Variants in PRKCH observed in about 807,000 individuals in gnomAD.
The protein encoded by PRKCH is protein kinase C eta type.
PRKCH carries 28 observed loss-of-function variants against 82.5 expected under a neutral mutation model. That is an observed-to-expected ratio of 0.34 (90% CI 0.25 to 0.47). PRKCH has a LOEUF of 0.47. Ranked by LOEUF, PRKCH falls within the 20% of genes least tolerant of loss-of-function variation. The pLI, the probability that PRKCH is intolerant of heterozygous loss-of-function variation, is 1.00. For missense variants in PRKCH, 705 were observed against 881.8 expected, an observed-to-expected ratio of 0.80 and a Z score of 2.54; for synonymous variants, 322 against 327.4, an observed-to-expected ratio of 0.98 and a Z score of 0.18.
intron 6 of PRKCH, among the ~76,000 whole-genome samples, chr14:61,452,563 C>G (rs1884561819): frequency 6.6e-6 from 1 of 152,176 alleles, no homozygotes. Context: ...CTTTGCTCGC[C>G]TCTTCAACTG....
chr14:61,379,471 T>G (rs2046469061), intron 1 of PRKCH, among the ~76,000 whole-genome samples: 1 of 152,258 alleles, frequency 6.6e-6, no homozygotes, highest in Admixed American at 6.5e-5. Context: ...CTTGAAATGC[T>G]TATGTATGCT....
intron 1 of PRKCH, among the ~76,000 whole-genome samples, chr14:61,274,121 A>G (rs2045182060): frequency 6.6e-6 from 1 of 152,256 alleles, no homozygotes; most frequent in Admixed American, 6.5e-5. Flanking sequence ...GGAGAGGCAA[A>G]GAAGACTTGC....
In PRKCH at chr14:61,387,901, A is replaced by G. The variant is rs1221956048; in HGVS notation, c.364-3324A>G. Among the ~76,000 whole-genome samples the G allele has an allele frequency of 2.6e-5, 4 of 152,144 alleles. No individual in the cohort carries two copies. The East Asian group carries it at 7.7e-4, about 29-fold the overall frequency. The stretch of plus-strand genomic sequence containing the variant: ...GGTGGCTCATGCCTGTAATTCCAGC[A>G]CTTTGGGAGGCTGAGGTGGACAGAT... On this transcript the variant is annotated intron_variant, in intron 1 of 13. Transcript: ENST00000332981.
upstream of PRKCH, among the ~76,000 whole-genome samples, chr14:61,316,686 C>T (rs928338131): frequency 2.3e-4 from 35 of 152,292 alleles, no homozygotes; most frequent in African/African-American, 7.7e-4. Context: ...TTCCTTCTTA[C>T]GGAGACCTTG....
chr14:61,347,462 T>C (rs1005588465), intron 1 of PRKCH, among the ~76,000 whole-genome samples: 5 of 152,186 alleles, frequency 3.3e-5, no homozygotes, highest in African/African-American at 4.8e-5. Context: ...TCAGTTGGAG[T>C]AACTCCTGCC....
chr14:61,505,243 G>C (rs1887084115), intron 10 of PRKCH, among the ~76,000 whole-genome samples: 1 of 152,070 alleles, frequency 6.6e-6, no homozygotes, highest in Non-Finnish European at 1.5e-5. Flanking sequence ...TGCTCTAAAG[G>C]CTGGAAAGTG....
At chr14:61,485,968 A>G (rs1481114109) in intron 10 of PRKCH, among the ~76,000 whole-genome samples, 8 of 152,112 alleles carry the variant, frequency 5.3e-5, no homozygotes, top group South Asian at 2.1e-4. Context: ...GGGTCTTGCA[A>G]TGTTGCCCAG....
At chr14:61,533,854 G>T (rs1234273107) in intron 12 of PRKCH, among the ~76,000 whole-genome samples, 1 of 152,192 alleles carries the variant, frequency 6.6e-6, no homozygotes, top group Non-Finnish European at 1.5e-5. Flanking sequence ...CCTTATCTCT[G>T]AAAAAGTATT....
chr14:61,441,539 C>T (rs1883973295), intron 2 of PRKCH, among the ~76,000 whole-genome samples: 1 of 152,252 alleles, frequency 6.6e-6, no homozygotes, highest in East Asian at 1.9e-4. Flanking sequence ...CATTGGACAT[C>T]TTGGCATGGT....
At chr14:61,424,889 C>T (rs1308047321) in intron 2 of PRKCH, among the ~76,000 whole-genome samples, 1 of 152,246 alleles carries the variant, frequency 6.6e-6, no homozygotes, top group African/African-American at 2.4e-5. Flanking sequence ...GCTTCCCAGC[C>T]ACTCCAGTCA....
intron 9 of PRKCH, among the ~76,000 whole-genome samples, chr14:61,470,913 C>T (rs914349765): frequency 5.9e-5 from 9 of 152,132 alleles, no homozygotes; most frequent in African/African-American, 2.2e-4. Flanking sequence ...TGTCAGTCAG[C>T]TTCCTTGTTC....
At chr14:61,380,033 T>G (rs1434960579) in intron 1 of PRKCH, among the ~76,000 whole-genome samples, 1 of 151,972 alleles carries the variant, frequency 6.6e-6, no homozygotes, top group Admixed American at 6.6e-5. Context: ...AGAAGAAAAG[T>G]ACCTTCTTAG....
At chr14:61,454,661 C>CT (rs1409657169) in intron 7 of PRKCH, among the ~76,000 whole-genome samples, 3 of 152,220 alleles carry the variant, frequency 2.0e-5, no homozygotes, top group African/African-American at 7.2e-5. Context: ...ACAGGAGTCT[C>CT]TCCCTCTGGA....
At chr14:61,287,810 G>T (rs2045328393) in intron 1 of PRKCH, among the ~76,000 whole-genome samples, 1 of 152,004 alleles carries the variant, frequency 6.6e-6, no homozygotes, top group Non-Finnish European at 1.5e-5. Context: ...GGGACACCAT[G>T]ACAGTGTCTG....
intron 1 of PRKCH, among the ~76,000 whole-genome samples, chr14:61,378,111 A>G (rs1482013301): frequency 1.3e-5 from 2 of 151,914 alleles, no homozygotes; most frequent in African/African-American, 2.4e-5. Context: ...CTCACTTCCC[A>G]CTAATTGAAA....
intron 2 of PRKCH, among the ~76,000 whole-genome samples, chr14:61,424,346 G>C (rs1297612490): frequency 2.0e-5 from 3 of 152,208 alleles, no homozygotes; most frequent in African/African-American, 7.2e-5. Context: ...AATATAGGAA[G>C]ATGTGGAAAA....
intron 1 of PRKCH, among the ~76,000 whole-genome samples, chr14:61,350,318 A>G (rs1408816278): frequency 6.6e-6 from 1 of 152,188 alleles, no homozygotes; most frequent in Non-Finnish European, 1.5e-5. Context: ...GCTGGGCCCC[A>G]GAGGAACACT....
Position 61,332,285 on chromosome 14 carries a change from G to A in PRKCH, c.363+9821G>A, listed in dbSNP as rs553019843. 1.4e-3 allele frequency among the ~76,000 whole-genome samples: 217 copies of A among 152,226 alleles called. 1 individual carries two copies. Among genetic ancestry groups the A allele is most frequent in the Non-Finnish European group, 2.5e-3 (173 of 68,042 alleles). On this transcript the variant is annotated intron_variant, in intron 1 of 13. Transcript: ENST00000332981. ...GGTAGTGTTTAAGTGCTGTGTTAAA[G>A]AATTTTATGAGACAGGAAATTTTTG...
chr14:61,364,579 A>G (rs1375191538), intron 1 of PRKCH, among the ~76,000 whole-genome samples: 1 of 151,960 alleles, frequency 6.6e-6, no homozygotes, highest in Non-Finnish European at 1.5e-5. Flanking sequence ...CACACCTGTA[A>G]TCCTAGCACT....
Sources: gnomAD v4.1 joint callset for allele counts (sites outside exome capture counted in the v4.1 genomes callset) on GRCh38, gnomAD v4.1.1 for gene constraint, MANE v1.5 for transcripts, NCBI Gene and HGNC (gene_info 2026-07-23, HGNC 2026-07-21) for gene names.